Variants in EYS observed in about 807,000 individuals in gnomAD.
EYS encodes the protein EGF-like photoreceptor maintenance factor.
A neutral mutation model predicts 282.1 loss-of-function variants in EYS; 250 were observed. The observed-to-expected ratio is 0.89, with a 90% CI of 0.80 to 0.98. EYS has a LOEUF of 0.98. Ranked by LOEUF, EYS falls within the 50% of genes least tolerant of loss-of-function variation. The probability of loss-of-function intolerance (pLI) is 0.00; values close to 1 mark genes in which losing one functional copy is unlikely to be tolerated. For missense variants in EYS, 4,016 were observed against 3,709.0 expected (o/e 1.08, Z -2.15); for synonymous variants, 1,355 against 1,282.9 (o/e 1.06, Z -1.20).
intron 31 of EYS, among the ~76,000 whole-genome samples, chr6:64,190,580 C>T (rs986916045): frequency 6.6e-6 from 1 of 152,176 alleles, no homozygotes; most frequent in Non-Finnish European, 1.5e-5. Flanking sequence ...GAGGTAAAAC[C>T]TAGCTCTTCT....
intron 11 of EYS, chr6:65,329,302 A>AGTT (rs1769711922): frequency 1.2e-6 from 1 of 815,276 alleles, no homozygotes; most frequent in African/African-American, 1.9e-5. Flanking sequence ...CATTTAATGA[A>AGTT]GTTTGTTATA....
intron 31 of EYS, among the ~76,000 whole-genome samples, chr6:64,098,478 T>C (rs950974347): frequency 6.6e-6 from 1 of 152,126 alleles, no homozygotes; most frequent in Non-Finnish European, 1.5e-5. Flanking sequence ...TATTATTTAG[T>C]GATATATAGT....
intron 41 of EYS, among the ~76,000 whole-genome samples, chr6:63,743,702 C>T (rs1769140334): frequency 2.0e-5 from 3 of 152,096 alleles, no homozygotes. Flanking sequence ...GAGGAGACTA[C>T]AATTAAAGAT....
At chr6:64,453,454 C>A (rs1264967690) in intron 26 of EYS, among the ~76,000 whole-genome samples, 19 of 152,124 alleles carry the variant, frequency 1.2e-4, no homozygotes, top group East Asian at 9.6e-4. Context: ...TGTGGCGATT[C>A]CTCAGGGATC....
chr6:65,060,816 A>T (rs968101118), intron 12 of EYS, among the ~76,000 whole-genome samples: 2 of 150,148 alleles, frequency 1.3e-5, no homozygotes, highest in Non-Finnish European at 3.0e-5. Context: ...ACACATACAT[A>T]TATATGTAAT....
In EYS at chr6:64,592,005, A is replaced by T. The variant is rs1766428464; in HGVS notation, c.3878-16T>A. 2 of 1,446,858 alleles carry T rather than the reference A, an allele frequency of 1.4e-6. No homozygotes were observed. Among genetic ancestry groups the T allele is most frequent in the Non-Finnish European group, 1.8e-6 (2 of 1,099,250 alleles). The allele number at this position is 1,446,858 out of a possible 1,614,324, so 89.6% of individuals were successfully genotyped here. ...TGTTTTGGACCTACAAAAAGGAAAA[A>T]AGCCAAAAAGGTTAGAAAAATGAAT... On this transcript the variant is annotated splice_polypyrimidine_tract_variant and intron_variant, in intron 25 of 42. Transcript: ENST00000503581.
chr6:63,862,526 A>G (rs1772561383), intron 36 of EYS, among the ~76,000 whole-genome samples: 1 of 152,196 alleles, frequency 6.6e-6, no homozygotes, highest in Admixed American at 6.5e-5. Context: ...TGAGACCAGG[A>G]GAGGGAAGTA....
chr6:64,057,770 CAT>C (rs1289843845), intron 33 of EYS, among the ~76,000 whole-genome samples: 3 of 152,096 alleles, frequency 2.0e-5, no homozygotes, highest in Non-Finnish European at 1.5e-5. Flanking sequence ...AAAAATCAAA[CAT>C]ATTACTTTCA....
At chr6:65,433,498 T>C (rs939459714) in intron 5 of EYS, among the ~76,000 whole-genome samples, 2 of 152,170 alleles carry the variant, frequency 1.3e-5, no homozygotes, top group African/African-American at 4.8e-5. Flanking sequence ...ATTAAGAGAA[T>C]GTTTGAGATT....
chr6:64,158,103 T>A (rs1279892857), intron 31 of EYS, among the ~76,000 whole-genome samples: 3 of 152,220 alleles, frequency 2.0e-5, no homozygotes, highest in Non-Finnish European at 2.9e-5. Flanking sequence ...CAGTGTGACC[T>A]GGATGTGAGA....
chr6:64,738,152 T>C (rs1337437257), intron 22 of EYS, among the ~76,000 whole-genome samples: 1 of 152,192 alleles, frequency 6.6e-6, no homozygotes, highest in African/African-American at 2.4e-5. Flanking sequence ...CAAAACCTCA[T>C]ATTGAAATGT....
At chr6:63,907,623 A>T (rs1581962120) in intron 35 of EYS, among the ~76,000 whole-genome samples, 1 of 152,234 alleles carries the variant, frequency 6.6e-6, no homozygotes, top group Non-Finnish European at 1.5e-5. Context: ...GTACCAAGGC[A>T]TTCATTTTTT....
chr6:64,448,380 C>T (rs530678209), intron 26 of EYS, among the ~76,000 whole-genome samples: 1 of 152,324 alleles, frequency 6.6e-6, no homozygotes, highest in African/African-American at 2.4e-5. Flanking sequence ...GGGTGGAGCC[C>T]ACCACAGCTC....
At position 63,994,748 on chromosome 6, in the gene EYS, A is replaced by G. The variant is rs550761116; in HGVS notation, c.6834+4327T>C. Among the ~76,000 whole-genome samples, 26 of 152,092 alleles carry G rather than the reference A, an allele frequency of 1.7e-4. 1 individual carries two copies. Among genetic ancestry groups the G allele is most frequent in the Middle Eastern group, 6.8e-3 (2 of 294 alleles). On this transcript the variant is annotated intron_variant, in intron 34 of 42. Transcript: ENST00000503581. ...ATGAATCAGTAAGACAATCAATAAT[A>G]TGTTTTCTTTTGTTTCTTCTGAAAT...
intron 4 of EYS, among the ~76,000 whole-genome samples, chr6:65,494,134 C>G (rs777182515): frequency 1.4e-4 from 22 of 152,072 alleles, no homozygotes; most frequent in Non-Finnish European, 3.1e-4. Flanking sequence ...AAACATGTTT[C>G]TAAGAGCCCT....
intron 2 of EYS, among the ~76,000 whole-genome samples, chr6:65,507,917 C>T (rs911104692): frequency 3.3e-5 from 5 of 152,124 alleles, no homozygotes; most frequent in African/African-American, 7.2e-5. Flanking sequence ...ACAACATCCT[C>T]GTGATGTATG....
intron 8 of EYS, among the ~76,000 whole-genome samples, chr6:65,379,237 A>G (rs1765517970): frequency 1.3e-5 from 2 of 152,182 alleles, no homozygotes; most frequent in Admixed American, 1.3e-4. Context: ...GGCAAATGGA[A>G]TCCAGCAGCA....
chr6:64,792,343 C>T (rs896184831), intron 22 of EYS, among the ~76,000 whole-genome samples: 2 of 151,790 alleles, frequency 1.3e-5, no homozygotes, highest in African/African-American at 4.8e-5. Flanking sequence ...TCCAAATAAT[C>T]AGGAAATATT....
intron 1 of EYS, among the ~76,000 whole-genome samples, chr6:65,706,231 G>A (rs1056902206): frequency 6.6e-6 from 1 of 151,602 alleles, no homozygotes; most frequent in African/African-American, 2.4e-5. Context: ...TATATCAATA[G>A]TTTCTAATAT....
Sources: allele counts gnomAD v4.1 joint callset (sites outside exome capture counted in the v4.1 genomes callset), GRCh38; gene constraint gnomAD v4.1.1; transcripts MANE v1.5; gene names NCBI Gene and HGNC (gene_info 2026-07-23, HGNC 2026-07-21).